The following CFAP54 variants were observed in gnomAD, a reference collection of about 807,000 sequenced individuals.
CFAP54 encodes cilia- and flagella-associated protein 54.
Under a neutral mutation model 370.4 loss-of-function variants are expected in CFAP54, and 290 were observed. That is an observed-to-expected ratio of 0.78 (90% CI 0.71 to 0.86). CFAP54 has a LOEUF of 0.86. CFAP54 is among the 40% of genes least tolerant of loss of function. The pLI is 0.00. For missense variants in CFAP54, 3,399 were observed against 3,528.7 expected (o/e 0.96, Z 0.93); for synonymous variants, 1,206 against 1,236.5 (o/e 0.98, Z 0.52).
At chr12:96,692,106 C>A (rs114317919) in intron 44 of CFAP54, among the ~76,000 whole-genome samples, 1 of 151,328 alleles carries the variant, frequency 6.6e-6, no homozygotes, top group Non-Finnish European at 1.5e-5. Flanking sequence ...TCTATTCTCT[C>A]GGTATATTTG....
intron 66 of CFAP54, among the ~76,000 whole-genome samples, chr12:96,830,922 T>G (rs1959169066): frequency 6.6e-6 from 1 of 152,162 alleles, no homozygotes; most frequent in Admixed American, 6.5e-5. Context: ...GTGATCCACC[T>G]GCCTTGGTTT....
At chr12:96,728,756 C>T (rs961945234) in intron 50 of CFAP54, among the ~76,000 whole-genome samples, 1 of 152,130 alleles carries the variant, frequency 6.6e-6, no homozygotes, top group Non-Finnish European at 1.5e-5. Context: ...AGGCGCTCTG[C>T]TTTTTAGAGT....
chr12:96,683,027 A>G (rs1479233757), intron 40 of CFAP54, among the ~76,000 whole-genome samples: 1 of 152,196 alleles, frequency 6.6e-6, no homozygotes, highest in African/African-American at 2.4e-5. Flanking sequence ...CCCATACGAT[A>G]GACCCAATGT....
At chr12:96,603,620 A>G (rs1020425023) in intron 26 of CFAP54, among the ~76,000 whole-genome samples, 3 of 152,174 alleles carry the variant, frequency 2.0e-5, no homozygotes, top group African/African-American at 7.2e-5. Flanking sequence ...GTCTTTTCAC[A>G]TAGTCCCATA....
chr12:96,825,496 T>C (rs1169528694), intron 65 of CFAP54, among the ~76,000 whole-genome samples: 8 of 117,666 alleles, frequency 6.8e-5, no homozygotes, highest in African/African-American at 2.4e-4. Context: ...ATATATAACA[T>C]ACATAATTAT....
chr12:96,759,050 C>T (rs560451870), intron 58 of CFAP54, among the ~76,000 whole-genome samples: 15 of 152,144 alleles, frequency 9.9e-5, no homozygotes, highest in African/African-American at 3.4e-4. Flanking sequence ...ATTTGACCCT[C>T]CAAGAGATCT....
intron 51 of CFAP54, 56 bp downstream of exon 51, chr12:96,740,117 A>G (rs1958034624): frequency 2.1e-6 from 2 of 949,134 alleles, no homozygotes; most frequent in South Asian, 1.5e-5. Context: ...AACTATTGGC[A>G]TGCTAGGATA....
rs536094049 is a variant in CFAP54, at chr12:96,631,679, A to G, written c.4316+1028A>G. Among the ~76,000 whole-genome samples, 295 of 149,584 alleles carry G rather than the reference A, an allele frequency of 2.0e-3. 1 individual carries two copies. The Middle Eastern group carries it at 0.022, about 11-fold the overall frequency. ...AATACTACACATAAATATAAATAAC[A>G]TAATTTAACATGCATAAACAATATA... is the stretch of plus-strand genomic sequence containing the variant. On this transcript the variant is annotated intron_variant, in intron 32 of 67. Coordinates refer to ENST00000524981, the MANE Select transcript of CFAP54 (RefSeq NM_001306084.2).
At chr12:96,790,619 C>T (rs1321497124) in intron 62 of CFAP54, among the ~76,000 whole-genome samples, 1 of 151,842 alleles carries the variant, frequency 6.6e-6, no homozygotes, top group Non-Finnish European at 1.5e-5. Flanking sequence ...GAAAATCACT[C>T]AGATATGAAG....
chr12:96,646,237 A>T (rs1956789798), intron 33 of CFAP54: 2 of 152,218 alleles, frequency 1.3e-5, no homozygotes, highest in African/African-American at 4.8e-5. Context: ...TCTACAATGA[A>T]CTCAAACAAA....
At position 96,679,660 on chromosome 12, in the gene CFAP54, G is replaced by GT; in HGVS notation, c.5628dup (p.Arg1877Ter). 6.2e-7 allele frequency: 1 copy of GT among 1,613,984 alleles called. No homozygotes were observed. Among genetic ancestry groups the GT allele is most frequent in the Non-Finnish European group, 8.5e-7 (1 of 1,179,910 alleles). On this transcript the variant is annotated frameshift_variant, in exon 40 of 68. Transcript: ENST00000524981. LOFTEE classifies it high-confidence loss of function. ...GTGGACGTGACAGACACCTTGAGGT[G>GT]TTTTAGAGAGACACTGGAAAAATCC...
chr12:96,797,846 A>T (rs1161473321), intron 63 of CFAP54, among the ~76,000 whole-genome samples: 1 of 152,004 alleles, frequency 6.6e-6, no homozygotes, highest in Admixed American at 6.6e-5. Context: ...CCATTAATGT[A>T]AATACTAATA....
chr12:96,565,295 G>T (rs537055252), intron 19 of CFAP54, among the ~76,000 whole-genome samples: 1 of 152,010 alleles, frequency 6.6e-6, no homozygotes, highest in Non-Finnish European at 1.5e-5. Flanking sequence ...ATGCAGTGGC[G>T]CAGTCCTAGA....
intron 3 of CFAP54, among the ~76,000 whole-genome samples, chr12:96,505,213 A>C: frequency 6.6e-6 from 1 of 151,268 alleles, no homozygotes; most frequent in Non-Finnish European, 1.5e-5. Flanking sequence ...ACAGGCGCAT[A>C]CCACCATGCC....
chr12:96,506,323 GCAAGACTCCGTCTCAA>G (rs1473296523), intron 3 of CFAP54, among the ~76,000 whole-genome samples: 3 of 140,124 alleles, frequency 2.1e-5, no homozygotes, highest in Non-Finnish European at 4.6e-5. Context: ...GGGAGACAGA[GCAAGACTCCGTCTCAA>G]AAAAAAAAAA....
Position 96,504,037 on chromosome 12 carries a change from G to C in CFAP54, c.567+8G>C, listed in dbSNP as rs1375024220. 1 of 1,497,790 alleles carries C rather than the reference G, an allele frequency of 6.7e-7. No homozygotes were observed. The highest frequency in any genetic ancestry group is 2.5e-5 in the Admixed American group (1 of 40,216). The allele number at this position is 1,497,790 out of a possible 1,614,324, so 92.8% of individuals were successfully genotyped here. ...AAAACTGCTGGACTTACAGTAAGAT[G>C]AAAGAGCAGCTGAAATAGCTACAAT... On this transcript the variant is annotated splice_region_variant and intron_variant, in intron 3 of 67. Coordinates refer to ENST00000524981, the MANE Select transcript of CFAP54 (RefSeq NM_001306084.2).
intron 11 of CFAP54, 37 bp downstream of exon 11, chr12:96,534,264 G>T (rs1226999515): frequency 2.6e-6 from 3 of 1,154,004 alleles, no homozygotes; most frequent in Non-Finnish European, 3.6e-6. Context: ...AATTTAGTTT[G>T]ACGAAATATG....
chr12:96,858,079 A>C (rs1400673701), intron 66 of CFAP54, among the ~76,000 whole-genome samples: 1 of 152,170 alleles, frequency 6.6e-6, no homozygotes, highest in Non-Finnish European at 1.5e-5. Context: ...TTGAGGAATC[A>C]CCATACTGCT....
intron 13 of CFAP54, among the ~76,000 whole-genome samples, chr12:96,539,823 T>A (rs1955551140): frequency 6.6e-6 from 1 of 152,194 alleles, no homozygotes; most frequent in African/African-American, 2.4e-5. Flanking sequence ...TTAGACCATT[T>A]AAAAGAGCTA....
Sources: gnomAD v4.1 joint callset for allele counts (sites outside exome capture counted in the v4.1 genomes callset) on GRCh38, gnomAD v4.1.1 for gene constraint, MANE v1.5 for transcripts, NCBI Gene and HGNC (gene_info 2026-07-23, HGNC 2026-07-21) for gene names.